ROBO2: variants seen among roughly 807,000 people sequenced by gnomAD.
The protein encoded by ROBO2 is roundabout homolog 2.
ROBO2 carries 53 observed loss-of-function variants against 160.8 expected under a neutral mutation model. That is an observed-to-expected ratio of 0.33 (90% confidence interval 0.26 to 0.41). The LOEUF (loss-of-function observed/expected upper bound fraction) is 0.41, where lower values mean the gene tolerates loss of function less well. Ranked by LOEUF, ROBO2 falls within the 10% of genes least tolerant of loss-of-function variation. The pLI is 1.00. For synonymous variants in ROBO2, 664 were observed against 611.7 expected, an observed-to-expected ratio of 1.09 and a Z score of -1.26; for missense variants, 1,577 against 1,722.4, an observed-to-expected ratio of 0.92 and a Z score of 1.49.
intron 2 of ROBO2, among the ~76,000 whole-genome samples, chr3:76,025,814 C>T (rs1053407895): frequency 1.3e-5 from 2 of 151,842 alleles, no homozygotes; most frequent in East Asian, 1.9e-4. Flanking sequence ...GGAAGTAAGG[C>T]CTCTTTTTTG....
chr3:77,429,372 G>T (rs950827650), intron 2 of ROBO2, among the ~76,000 whole-genome samples: 3 of 151,932 alleles, frequency 2.0e-5, no homozygotes, highest in African/African-American at 7.3e-5. Flanking sequence ...GTACCCAACT[G>T]GTCAGAAAAC....
chr3:76,481,737 G>A (rs1300223649), intron 2 of ROBO2, among the ~76,000 whole-genome samples: 2 of 152,016 alleles, frequency 1.3e-5, no homozygotes, highest in African/African-American at 2.4e-5. Context: ...TTCTGATGTG[G>A]GTTTAGGTTT....
intron 2 of ROBO2, among the ~76,000 whole-genome samples, chr3:75,974,584 G>A (rs199555934): frequency 6.6e-6 from 1 of 150,766 alleles, no homozygotes; most frequent in Non-Finnish European, 1.5e-5. Context: ...ATTATGGCTT[G>A]TCTTGTAATT....
At chr3:76,543,728 T>C (rs2082940785) in intron 2 of ROBO2, among the ~76,000 whole-genome samples, 1 of 152,066 alleles carries the variant, frequency 6.6e-6, no homozygotes, top group African/African-American at 2.4e-5. Context: ...ATGTTAACTT[T>C]TATAATCACC....
intron 2 of ROBO2, among the ~76,000 whole-genome samples, chr3:76,948,892 ATATATATATATATATATTTT>A (rs1367033498): frequency 7.7e-5 from 2 of 25,896 alleles, no homozygotes; most frequent in African/African-American, 3.1e-4. Context: ...ATATATATAT[ATATATATATATATATATTTT>A]TTTTTTTTTT....
chr3:76,722,409 C>T (rs541588684), intron 2 of ROBO2, among the ~76,000 whole-genome samples: 2 of 152,082 alleles, frequency 1.3e-5, no homozygotes, highest in African/African-American at 4.8e-5. Flanking sequence ...CGTGAACCAC[C>T]GCACCTGGCC....
At chr3:76,626,485 C>T (rs1239724810) in intron 2 of ROBO2, among the ~76,000 whole-genome samples, 1 of 151,918 alleles carries the variant, frequency 6.6e-6, no homozygotes, top group Non-Finnish European at 1.5e-5. Flanking sequence ...AAAAAAGTAC[C>T]AAGAAAATGA....
At chr3:77,431,697 A>C (rs1300941104) in intron 2 of ROBO2, among the ~76,000 whole-genome samples, 1 of 152,120 alleles carries the variant, frequency 6.6e-6, no homozygotes, top group Non-Finnish European at 1.5e-5. Flanking sequence ...AAGAATCTAT[A>C]CTTGGCTCCC....
At chr3:76,956,125 A>C (rs576019564) in intron 2 of ROBO2, among the ~76,000 whole-genome samples, 1 of 152,276 alleles carries the variant, frequency 6.6e-6, no homozygotes, top group African/African-American at 2.4e-5. Flanking sequence ...AAATCGCAGA[A>C]ATTTTATTTG....
At chr3:77,254,798 C>T (rs1362548462) in intron 2 of ROBO2, among the ~76,000 whole-genome samples, 1 of 152,170 alleles carries the variant, frequency 6.6e-6, no homozygotes, top group Non-Finnish European at 1.5e-5. Context: ...TTTCTCTTGA[C>T]ATAAGGGGAA....
intron 2 of ROBO2, among the ~76,000 whole-genome samples, chr3:76,302,056 T>A (rs942572727): frequency 1.3e-5 from 2 of 152,070 alleles, no homozygotes; most frequent in African/African-American, 4.8e-5. Context: ...TATCCAGACT[T>A]TTTCATGAGA....
chr3:77,524,889 C>T (rs770414970), intron 6 of ROBO2, among the ~76,000 whole-genome samples: 1 of 151,000 alleles, frequency 6.6e-6, no homozygotes, highest in Non-Finnish European at 1.5e-5. Context: ...GAATTTATCA[C>T]CTCTCTAAGA....
chr3:76,376,413 AT>A (rs1441999532), intron 2 of ROBO2, among the ~76,000 whole-genome samples: 1 of 152,104 alleles, frequency 6.6e-6, no homozygotes, highest in Admixed American at 6.6e-5. Context: ...CAAGTCATCT[AT>A]TTGAACAAAT....
intron 6 of ROBO2, among the ~76,000 whole-genome samples, chr3:77,529,539 G>C (rs1472254396): frequency 6.6e-6 from 1 of 151,698 alleles, no homozygotes; most frequent in African/African-American, 2.4e-5. Context: ...TTATGTTATA[G>C]AATAGTATGT....
intron 13 of ROBO2, among the ~76,000 whole-genome samples, chr3:77,569,852 TAAG>T (rs1166390488): frequency 6.6e-6 from 1 of 152,026 alleles, no homozygotes; most frequent in East Asian, 1.9e-4. Flanking sequence ...AAAATAAGAC[TAAG>T]TTTATAATAT....
At chr3:77,590,559 A>C (rs1470719257) in intron 17 of ROBO2, among the ~76,000 whole-genome samples, 2 of 152,160 alleles carry the variant, frequency 1.3e-5, no homozygotes, top group Non-Finnish European at 2.9e-5. Context: ...TATAAGGAAG[A>C]ACTGATTTAA....
chr3:76,817,464 T>C (rs568073482), intron 2 of ROBO2, among the ~76,000 whole-genome samples: 1 of 152,098 alleles, frequency 6.6e-6, no homozygotes, highest in Non-Finnish European at 1.5e-5. Flanking sequence ...TAAAGAGTGA[T>C]AATGAAACAT....
Position 75,969,193 on chromosome 3 carries a change from A to T in ROBO2, c.109+31591A>T, listed in dbSNP as rs182496714. On this transcript the variant is annotated intron_variant, in intron 2 of 26. Transcript: ENST00000487694. ...ATAAGATTATAATATGATATATAAT[A>T]TATTATAACTATACATCATAGTTTC... Among the ~76,000 whole-genome samples the T allele has an allele frequency of 1.4e-3, 203 of 147,586 alleles. 1 individual carries two copies. In the East Asian group the frequency reaches 0.017, roughly 12 times the overall value.
At chr3:76,058,264 C>G (rs916350956) in intron 2 of ROBO2, among the ~76,000 whole-genome samples, 1 of 152,122 alleles carries the variant, frequency 6.6e-6, no homozygotes, top group African/African-American at 2.4e-5. Flanking sequence ...ACCCCCTACC[C>G]TCCAACAGGC....
Sources: allele counts gnomAD v4.1 joint callset (sites outside exome capture counted in the v4.1 genomes callset), GRCh38; gene constraint gnomAD v4.1.1; transcripts MANE v1.5; gene names NCBI Gene and HGNC (gene_info 2026-07-23, HGNC 2026-07-21).